The following SLX4IP variants were observed in gnomAD, a reference collection of about 807,000 sequenced individuals.
SLX4IP encodes protein SLX4IP.
SLX4IP carries 34 observed loss-of-function variants against 32.9 expected under a neutral mutation model. That is an observed-to-expected ratio of 1.03 (90% confidence interval 0.79 to 1.38). The LOEUF is 1.38. SLX4IP is among the 40% of genes most tolerant of loss of function. SLX4IP has a pLI of 0.00. For synonymous variants in SLX4IP, 172 were observed against 171.7 expected (o/e 1.00, Z -0.01); for missense variants, 444 against 479.0 (o/e 0.93, Z 0.68).
At chr20:10,567,344 C>T (rs1377165799) in intron 4 of SLX4IP, among the ~76,000 whole-genome samples, 1 of 152,150 alleles carries the variant, frequency 6.6e-6, no homozygotes, top group Non-Finnish European at 1.5e-5. Context: ...CATATGAAGG[C>T]AGAGCCTTCA....
At chr20:10,605,444 G>A (rs2066894950) in intron 6 of SLX4IP, among the ~76,000 whole-genome samples, 1 of 152,132 alleles carries the variant, frequency 6.6e-6, no homozygotes, top group Non-Finnish European at 1.5e-5. Flanking sequence ...CATTCAAATA[G>A]GGCCTCCATT....
chr20:10,595,568 G>C (rs996427705), intron 4 of SLX4IP, among the ~76,000 whole-genome samples: 1 of 152,178 alleles, frequency 6.6e-6, no homozygotes, highest in Admixed American at 6.5e-5. Flanking sequence ...TTAGCCCTGG[G>C]TAAGTACAAA....
chr20:10,530,565 C>T (rs2065980264), intron 2 of SLX4IP, among the ~76,000 whole-genome samples: 1 of 152,056 alleles, frequency 6.6e-6, no homozygotes, highest in Admixed American at 6.5e-5. Flanking sequence ...GCTCCCTGAC[C>T]ACACGTAAAT....
chr20:10,592,218 C>G (rs1178193449), intron 4 of SLX4IP, among the ~76,000 whole-genome samples: 1 of 152,128 alleles, frequency 6.6e-6, no homozygotes, highest in Non-Finnish European at 1.5e-5. Context: ...AGCCTAGGAT[C>G]AAATATTCCA....
chr20:10,516,431 G>A (rs637205), intron 2 of SLX4IP, among the ~76,000 whole-genome samples: 90,663 of 152,014 alleles, frequency 0.6, 27,404 homozygotes, highest in South Asian at 0.74. Flanking sequence ...TGATTCTAAG[G>A]TAATGAGGTT....
intron 3 of SLX4IP, among the ~76,000 whole-genome samples, chr20:10,559,137 A>G (rs1601001499): frequency 6.6e-6 from 1 of 152,142 alleles, no homozygotes; most frequent in South Asian, 2.1e-4. Context: ...TAAAAAAAAA[A>G]AAACCTATGA....
intron 2 of SLX4IP, among the ~76,000 whole-genome samples, chr20:10,493,101 G>A (rs996527344): frequency 6.6e-6 from 1 of 152,064 alleles, no homozygotes; most frequent in Non-Finnish European, 1.5e-5. Flanking sequence ...ACTGCCCCTG[G>A]TGGTATGTCT....
At chr20:10,561,421 T>C (rs940314008) in intron 4 of SLX4IP, among the ~76,000 whole-genome samples, 1 of 152,160 alleles carries the variant, frequency 6.6e-6, no homozygotes, top group Non-Finnish European at 1.5e-5. Flanking sequence ...ACTCTGATTG[T>C]ATGAGCTCAA....
intron 1 of SLX4IP, among the ~76,000 whole-genome samples, chr20:10,442,712 C>T (rs1400696099): frequency 6.6e-6 from 1 of 152,226 alleles, no homozygotes; most frequent in Non-Finnish European, 1.5e-5. Context: ...AACCTGGTCA[C>T]TGAGCTTGTT....
intron 2 of SLX4IP, among the ~76,000 whole-genome samples, chr20:10,464,036 A>G (rs2065360387): frequency 6.6e-6 from 1 of 152,240 alleles, no homozygotes; most frequent in Non-Finnish European, 1.5e-5. Context: ...AACTGAAATA[A>G]TAAGACATTC....
chr20:10,565,182 A>G (rs535778699), intron 4 of SLX4IP, among the ~76,000 whole-genome samples: 29 of 152,322 alleles, frequency 1.9e-4, no homozygotes, highest in African/African-American at 6.5e-4. Context: ...AAAATGTGAT[A>G]GCTCCCAGCT....
chr20:10,523,244 A>G (rs1190813802), intron 2 of SLX4IP, among the ~76,000 whole-genome samples: 4 of 152,194 alleles, frequency 2.6e-5, no homozygotes, highest in Non-Finnish European at 5.9e-5. Context: ...TGTGACAGTC[A>G]GAGAGACAGG....
In SLX4IP at chr20:10,615,242, A is replaced by G. The variant is rs115710945; in HGVS notation, c.406-6072A>G. On this transcript the variant is annotated intron_variant, in intron 6 of 7. Coordinates refer to ENST00000334534, the MANE Select transcript of SLX4IP (RefSeq NM_001009608.3). ...TAGGCTTGGATCCCAGCACTTCACC[A>G]AAAACAGCTTATGTCAAAGTCACCT... 4.9e-3 allele frequency among the ~76,000 whole-genome samples: 751 copies of G among 152,264 alleles called. 8 individuals carry two copies. The highest frequency in any genetic ancestry group is 0.017 in the African/African-American group (711 of 41,562).
intron 2 of SLX4IP, among the ~76,000 whole-genome samples, chr20:10,536,449 C>T (rs774776505): frequency 2.0e-5 from 3 of 152,000 alleles, no homozygotes; most frequent in Admixed American, 1.3e-4. Context: ...AATATTGCAA[C>T]GGTTTGATCT....
chr20:10,485,911 T>C (rs2065568614), intron 2 of SLX4IP, among the ~76,000 whole-genome samples: 1 of 152,154 alleles, frequency 6.6e-6, no homozygotes, highest in South Asian at 2.1e-4. Context: ...ATCCTTGTTA[T>C]CTTCATATTG....
At chr20:10,588,599 A>G (rs184341727) in intron 4 of SLX4IP, among the ~76,000 whole-genome samples, 223 of 152,382 alleles carry the variant, frequency 1.5e-3, no homozygotes, top group African/African-American at 5.2e-3. Flanking sequence ...AAATCCTACT[A>G]TTTGTGTCAG....
chr20:10,604,764 A>C (rs2066886235), intron 6 of SLX4IP, among the ~76,000 whole-genome samples: 1 of 152,136 alleles, frequency 6.6e-6, no homozygotes, highest in Non-Finnish European at 1.5e-5. Flanking sequence ...TGTGCTAGGG[A>C]TGTGGGAATT....
intron 2 of SLX4IP, among the ~76,000 whole-genome samples, chr20:10,475,105 G>C (rs2065463868): frequency 6.6e-6 from 1 of 152,238 alleles, no homozygotes; most frequent in Non-Finnish European, 1.5e-5. Flanking sequence ...ATCCAAGTCA[G>C]GGCTTTCAGC....
chr20:10,481,379 G>T (rs2065519895), intron 2 of SLX4IP, among the ~76,000 whole-genome samples: 1 of 152,144 alleles, frequency 6.6e-6, no homozygotes, highest in African/African-American at 2.4e-5. Flanking sequence ...GGAATCCATT[G>T]TCTGTTCCAT....
Sources: allele counts gnomAD v4.1 joint callset (sites outside exome capture counted in the v4.1 genomes callset), GRCh38; gene constraint gnomAD v4.1.1; transcripts MANE v1.5; gene names NCBI Gene and HGNC (gene_info 2026-07-23, HGNC 2026-07-21).